GKAP1: variants seen among roughly 807,000 people sequenced by gnomAD.
GKAP1 encodes G kinase anchoring protein 1, also known as G kinase-anchoring protein 1.
GKAP1 carries 31 observed loss-of-function variants against 56.7 expected under a neutral mutation model. That is an observed-to-expected ratio of 0.55 (90% CI 0.41 to 0.74). The LOEUF is 0.74. Ranked by LOEUF, GKAP1 falls within the 30% of genes least tolerant of loss-of-function variation. GKAP1 has a pLI of 0.00. For missense variants in GKAP1, 364 were observed against 402.3 expected (o/e 0.90, Z 0.82); for synonymous variants, 151 against 138.6 (o/e 1.09, Z -0.63).
chr9:83,798,625 C>T (rs1297036881), intron 4 of GKAP1, among the ~76,000 whole-genome samples: 1 of 152,124 alleles, frequency 6.6e-6, no homozygotes, highest in Non-Finnish European at 1.5e-5. Context: ...CTGATCTTCC[C>T]ACCTCAGCCA....
intron 3 of GKAP1, among the ~76,000 whole-genome samples, chr9:83,803,218 T>C (rs1944360992): frequency 6.7e-6 from 1 of 149,362 alleles, no homozygotes; most frequent in African/African-American, 2.5e-5. Context: ...GAAATAACCA[T>C]GTAGCTCCCT....
intron 7 of GKAP1, among the ~76,000 whole-genome samples, chr9:83,777,453 T>G (rs1265613950): frequency 1.3e-5 from 2 of 152,096 alleles, no homozygotes; most frequent in Non-Finnish European, 2.9e-5. Flanking sequence ...TGAAAAGGCA[T>G]GATTTGTTGA....
chr9:83,791,100 C>G (rs576392073), intron 4 of GKAP1, among the ~76,000 whole-genome samples: 20 of 152,150 alleles, frequency 1.3e-4, no homozygotes, highest in African/African-American at 4.8e-4. Context: ...ATGATAAAAA[C>G]TGAATGAAAT....
chr9:83,781,645 G>A (rs1392476668), intron 6 of GKAP1, among the ~76,000 whole-genome samples: 1 of 152,074 alleles, frequency 6.6e-6, no homozygotes, highest in East Asian at 1.9e-4. Flanking sequence ...GCTCTATTTA[G>A]CATACAGTGA....
intron 4 of GKAP1, among the ~76,000 whole-genome samples, chr9:83,793,237 A>G (rs1392822921): frequency 6.6e-6 from 1 of 152,224 alleles, no homozygotes; most frequent in Non-Finnish European, 1.5e-5. Flanking sequence ...CTCATAGGCA[A>G]CATGGAAATA....
chr9:83,764,467 C>T (rs1943627841), intron 8 of GKAP1, among the ~76,000 whole-genome samples: 4 of 152,050 alleles, frequency 2.6e-5, no homozygotes, highest in Admixed American at 6.6e-5. Flanking sequence ...TACCCAATCT[C>T]GGGTATTTCT....
Position 83,817,756 on chromosome 9 carries a change from G to C in GKAP1, c.-415C>G, listed in dbSNP as rs1401346198. 3.9e-5 allele frequency: 6 copies of C among 152,410 alleles called. No individual in the cohort carries two copies. The highest frequency in any genetic ancestry group is 9.7e-5 in the African/African-American group (4 of 41,254). 9.4% of individuals were successfully genotyped at this position (152,410 alleles called of 1,614,324 possible). A position where few individuals can be genotyped will look rare whatever the true frequency, so the allele number is the denominator to read the frequency against. On this transcript the variant is annotated 5_prime_UTR_variant, in exon 1 of 13. Transcript: ENST00000376371. ...AGCGCGGCTGCAGGCTGCGGTGAGG[G>C]GCGGGGAGAGCGCGGCTGAGAGCAG... is the stretch of plus-strand genomic sequence containing the variant.
intron 2 of GKAP1, among the ~76,000 whole-genome samples, chr9:83,808,614 T>C (rs150576724): frequency 1.2e-3 from 178 of 152,244 alleles, no homozygotes; most frequent in African/African-American, 4.1e-3. Flanking sequence ...ATAATAATCC[T>C]ATATAAAATT....
At chr9:83,803,902 G>A (rs918933613) in intron 3 of GKAP1, among the ~76,000 whole-genome samples, 7 of 148,256 alleles carry the variant, frequency 4.7e-5, no homozygotes, top group South Asian at 2.2e-4. Context: ...CCTCTGCCCC[G>A]CCGCCCCGTC....
At chr9:83,816,381 C>CA (rs1378025822) in intron 2 of GKAP1, among the ~76,000 whole-genome samples, 1 of 152,120 alleles carries the variant, frequency 6.6e-6, no homozygotes, top group African/African-American at 2.4e-5. Flanking sequence ...GAAAGTTAAA[C>CA]AAAAAATACA....
In GKAP1 at chr9:83,788,629, C is replaced by A. The variant is rs1944103693; in HGVS notation, c.410G>T (p.Ser137Ile). The change falls in exon 5 of 13, where the codon AGT becomes ATT. Residue 137 changes from serine to isoleucine, a missense_variant. Ser to Ile is a moderately radical substitution (Grantham distance 142, BLOSUM62 -2). Transcript: ENST00000376371. ...EADLEKALLL[S>I]KLEYEEHKKE... ...TTTGTGCTCTTCATATTCTAGTTTA[C>A]TTAGTAACAATGCCTTCTCAAGATC... 1 of 1,601,564 alleles carries A rather than the reference C, an allele frequency of 6.2e-7. No homozygotes were observed. Among genetic ancestry groups the A allele is most frequent in the Non-Finnish European group, 8.5e-7 (1 of 1,172,856 alleles).
chr9:83,784,896 C>A, intron 5 of GKAP1, 58 bp from the exon 6 acceptor site: 4 of 1,338,198 alleles, frequency 3.0e-6, no homozygotes, highest in East Asian at 2.5e-5. Context: ...AATAAACTCA[C>A]CAACAGGTAA....
intron 4 of GKAP1, among the ~76,000 whole-genome samples, 187 bp downstream of exon 4, chr9:83,798,995 AAAC>A (rs1462757742): frequency 6.6e-6 from 1 of 152,236 alleles, no homozygotes; most frequent in African/African-American, 2.4e-5. Context: ...AAACTAACAT[AAAC>A]AACAAATGTA....
In GKAP1 at chr9:83,754,412, C is replaced by T. The variant is rs191471929; in HGVS notation, c.739-1053G>A. Among the ~76,000 whole-genome samples the T allele has an allele frequency of 1.7e-3, 259 of 152,282 alleles. 3 individuals carry two copies. Among genetic ancestry groups the T allele is most frequent in the Non-Finnish European group, 1.2e-3 (82 of 68,012 alleles). On this transcript the variant is annotated intron_variant, in intron 8 of 12. Coordinates refer to ENST00000376371, the MANE Select transcript of GKAP1 (RefSeq NM_025211.4). The stretch of plus-strand genomic sequence containing the variant: ...ACATCAATGTAGTACTCTACAAATA[C>T]TCACTGAGCATCTAACTTCTAGGAG...
rs1483036761 is a variant in GKAP1, at chr9:83,776,928, T to C, written c.585+3454A>G. ...AGCTAAAGGTAGACATGTGGAGCAT[T>C]AGTGCTAAAGCACAGTGCTATAAGA... is the stretch of plus-strand genomic sequence containing the variant. On this transcript the variant is annotated intron_variant, in intron 7 of 12. Transcript: ENST00000376371. Among the ~76,000 whole-genome samples, 7 of 32,308 alleles carry C rather than the reference T, an allele frequency of 2.2e-4. No homozygotes were observed. The East Asian group carries it at 9.4e-3, about 43-fold the overall frequency. The allele number at this position is 32,308 out of a possible 152,430, so 21.2% of individuals were successfully genotyped here. A position where few individuals can be genotyped will look rare whatever the true frequency, so the allele number is the denominator to read the frequency against.
chr9:83,805,875 G>C (rs1273907232), intron 3 of GKAP1, among the ~76,000 whole-genome samples: 1 of 152,192 alleles, frequency 6.6e-6, no homozygotes, highest in Non-Finnish European at 1.5e-5. Context: ...CCAACCCTTT[G>C]GGAGGCTGAG....
rs145841713 is a variant in GKAP1, at chr9:83,743,589, G to A, written c.905-989C>T. On this transcript the variant is annotated intron_variant, in intron 10 of 12. Coordinates refer to ENST00000376371, the MANE Select transcript of GKAP1 (RefSeq NM_025211.4). ...CAGCCTGGGTGACAGAGTGAGATTC[G>A]TCTCAAAATAAATAAATAAAAACAA... 6.0e-4 allele frequency among the ~76,000 whole-genome samples: 91 copies of A among 152,166 alleles called. 1 individual carries two copies. The East Asian group carries it at 0.015, about 25-fold the overall frequency.
At chr9:83,742,753 T>C (rs750397193) in intron 10 of GKAP1, among the ~76,000 whole-genome samples, 153 bp from the exon 11 acceptor site, 5 of 152,238 alleles carry the variant, frequency 3.3e-5, no homozygotes, top group Non-Finnish European at 7.3e-5. Context: ...AGCTCTTACT[T>C]TTCACTGGTA....
At position 83,772,291 on chromosome 9, in the gene GKAP1, C is replaced by T. The variant is rs539124257; in HGVS notation, c.586-3321G>A. ...ACAGAATTGAGAATCTAGATATGAG[C>T]CTTCATATTTATGATCAAATTTACT... On this transcript the variant is annotated intron_variant, in intron 7 of 12. Transcript: ENST00000376371. 9.2e-5 allele frequency among the ~76,000 whole-genome samples: 14 copies of T among 152,050 alleles called. 1 individual carries two copies. In the South Asian group the frequency reaches 2.9e-3, roughly 32 times the overall value.
Sources: gnomAD v4.1 joint callset for allele counts (sites outside exome capture counted in the v4.1 genomes callset) on GRCh38, gnomAD v4.1.1 for gene constraint, MANE v1.5 for transcripts, NCBI Gene and HGNC (gene_info 2026-07-23, HGNC 2026-07-21) for gene names.